EFCAB11: variants seen among roughly 807,000 people sequenced by gnomAD.
EFCAB11 encodes the protein EF-hand calcium-binding domain-containing protein 11.
Under a neutral mutation model 23.0 loss-of-function variants are expected in EFCAB11, and 14 were observed. That is an observed-to-expected ratio of 0.61 (90% CI 0.40 to 0.95). The LOEUF (loss-of-function observed/expected upper bound fraction) is 0.95, where lower values mean the gene tolerates loss of function less well. Ranked by LOEUF, EFCAB11 falls within the 40% of genes least tolerant of loss-of-function variation. EFCAB11 has a pLI of 0.00. For missense variants in EFCAB11, 198 were observed against 195.8 expected, an observed-to-expected ratio of 1.01 and a Z score of -0.07; for synonymous variants, 65 against 66.6, an observed-to-expected ratio of 0.98 and a Z score of 0.11.
intron 2 of EFCAB11, among the ~76,000 whole-genome samples, chr14:89,952,995 G>A (rs142556593): frequency 6.6e-6 from 1 of 152,322 alleles, no homozygotes; most frequent in East Asian, 1.9e-4. Flanking sequence ...GGGGTGAGCA[G>A]GAAACTTGCC....
At chr14:89,936,562 C>T (rs552825792) in intron 3 of EFCAB11, among the ~76,000 whole-genome samples, 7 of 152,290 alleles carry the variant, frequency 4.6e-5, no homozygotes, top group Admixed American at 1.3e-4. Context: ...AAAGTCCATA[C>T]TCTAGGGGTT....
At chr14:89,924,559 T>C (rs1850157415) in intron 5 of EFCAB11, 3 of 1,525,722 alleles carry the variant, frequency 2.0e-6, no homozygotes, top group South Asian at 1.2e-5. Context: ...AACATATCCA[T>C]GCAGAGAAAA....
chr14:89,890,291 G>A (rs1888922926), intron 5 of EFCAB11, among the ~76,000 whole-genome samples: 1 of 152,044 alleles, frequency 6.6e-6, no homozygotes. Context: ...TAAATATTTA[G>A]CTTACAACTT....
In EFCAB11 at chr14:89,867,250, C is replaced by T. The variant is rs185371545; in HGVS notation, c.410+64291G>A. On this transcript the variant is annotated intron_variant, in intron 5 of 5. Transcript: ENST00000316738. ...TACCTTTGTCTTGTTTTTTAGTCAG[C>T]GACCCTGCCTTATATAGGCAGTCCC... is the stretch of plus-strand genomic sequence containing the variant. Among the ~76,000 whole-genome samples the T allele has an allele frequency of 1.4e-3, 212 of 152,240 alleles. 1 individual carries two copies. The highest frequency in any genetic ancestry group is 2.6e-3 in the Non-Finnish European group (176 of 68,018).
intron 5 of EFCAB11, among the ~76,000 whole-genome samples, chr14:89,884,516 A>C (rs1888693644): frequency 6.6e-6 from 1 of 152,208 alleles, no homozygotes; most frequent in African/African-American, 2.4e-5. Context: ...ACCTGCTCAC[A>C]TAACTTTTAT....
intron 5 of EFCAB11, among the ~76,000 whole-genome samples, chr14:89,822,380 A>C (rs1213916605): frequency 6.6e-6 from 1 of 152,236 alleles, no homozygotes; most frequent in African/African-American, 2.4e-5. Flanking sequence ...TGGCAGGAGT[A>C]GGTATTTAGA....
At chr14:89,898,041 C>T (rs1889221682) in intron 5 of EFCAB11, among the ~76,000 whole-genome samples, 1 of 151,364 alleles carries the variant, frequency 6.6e-6, no homozygotes, top group African/African-American at 2.5e-5. Context: ...GGAATTCTAG[C>T]TAAGGAAATC....
Position 89,858,599 on chromosome 14 carries a change from C to A in EFCAB11, c.411-61275G>T, listed in dbSNP as rs7158534. On this transcript the variant is annotated intron_variant, in intron 5 of 5. Transcript: ENST00000316738. Reference sequence around the variant, plus strand: ...CAACCTCCTGGGCTCAGGTAATCCTCCCACCTCAGCCTCCCAGGCAGCTGG... The same window carrying A: ...CAACCTCCTGGGCTCAGGTAATCCTACCACCTCAGCCTCCCAGGCAGCTGG... Among the ~76,000 whole-genome samples, 815 of 152,154 alleles carry A rather than the reference C, an allele frequency of 5.4e-3. 9 individuals are homozygous for A. The highest frequency in any genetic ancestry group is 0.019 in the African/African-American group (777 of 41,510).
chr14:89,834,312 G>A (rs11159935), intron 5 of EFCAB11, among the ~76,000 whole-genome samples: 25,031 of 139,490 alleles, frequency 0.18, 2,687 homozygotes, highest in East Asian at 0.51. Flanking sequence ...GGAGGCGGAG[G>A]TTGCAGCGAG....
rs868830031 is a variant in EFCAB11 at position 89,829,211 on chromosome 14, G to T, written c.411-31887C>A. Reference sequence around the variant, plus strand: ...TGACGGTGCAGGAAATATTCTGGAGGAGTTATCCTGACTAAGGAGCTTGTA... The same window carrying T: ...TGACGGTGCAGGAAATATTCTGGAGTAGTTATCCTGACTAAGGAGCTTGTA... On this transcript the variant is annotated intron_variant, in intron 5 of 5. Coordinates refer to ENST00000316738, the MANE Select transcript of EFCAB11 (RefSeq NM_145231.4). Among the ~76,000 whole-genome samples the T allele has an allele frequency of 5.3e-5, 8 of 152,298 alleles. 2 individuals are homozygous for T. In the Middle Eastern group the frequency reaches 0.017, roughly 324 times the overall value.
At chr14:89,890,802 G>A (rs978142413) in intron 5 of EFCAB11, among the ~76,000 whole-genome samples, 9 of 152,190 alleles carry the variant, frequency 5.9e-5, no homozygotes, top group Admixed American at 5.2e-4. Flanking sequence ...CTGGGGCTGC[G>A]GTCTGGTAGC....
chr14:89,929,241 A>G (rs1890307879), intron 5 of EFCAB11, among the ~76,000 whole-genome samples: 1 of 151,856 alleles, frequency 6.6e-6, no homozygotes. Context: ...TTGTGTAGAG[A>G]CAGGGTCTCT....
At chr14:89,940,229 T>C (rs1483789303) in intron 3 of EFCAB11, among the ~76,000 whole-genome samples, 1 of 152,218 alleles carries the variant, frequency 6.6e-6, no homozygotes, top group Non-Finnish European at 1.5e-5. Flanking sequence ...TTAATGTGTA[T>C]GCAGTTTCCT....
At chr14:89,873,774 G>A (rs896176796) in intron 5 of EFCAB11, among the ~76,000 whole-genome samples, 13 of 152,236 alleles carry the variant, frequency 8.5e-5, no homozygotes, top group Non-Finnish European at 1.3e-4. Context: ...ACACGCTGAT[G>A]TAAGAGGTGG....
chr14:89,816,278 T>G (rs1420435753), intron 5 of EFCAB11, among the ~76,000 whole-genome samples: 1 of 152,188 alleles, frequency 6.6e-6, no homozygotes, highest in Non-Finnish European at 1.5e-5. Context: ...GTTCTAATAG[T>G]TTTTTGGTGG....
intron 1 of EFCAB11, chr14:89,954,262 G>A: frequency 7.4e-7 from 1 of 1,345,654 alleles, no homozygotes; most frequent in Non-Finnish European, 1.0e-6. Flanking sequence ...AGGCCACTGA[G>A]ATAAATTCTA....
chr14:89,943,218 C>T (rs948149231), intron 3 of EFCAB11, among the ~76,000 whole-genome samples: 10 of 151,320 alleles, frequency 6.6e-5, no homozygotes, highest in Non-Finnish European at 8.8e-5. Flanking sequence ...AAATAGTTCC[C>T]AGGAGGCCAA....
At chr14:89,867,554 C>T (rs531685165) in intron 5 of EFCAB11, among the ~76,000 whole-genome samples, 49 of 152,338 alleles carry the variant, frequency 3.2e-4, no homozygotes, top group African/African-American at 1.1e-3. Context: ...GCAGCCCCAA[C>T]GCAACTGCCC....
chr14:89,868,295 C>A (rs1888159252), intron 5 of EFCAB11, among the ~76,000 whole-genome samples: 2 of 152,176 alleles, frequency 1.3e-5, no homozygotes, highest in African/African-American at 4.8e-5. Flanking sequence ...GTTTCTCTTG[C>A]TATGATATGG....
Sources: gnomAD v4.1 joint callset for allele counts (sites outside exome capture counted in the v4.1 genomes callset) on GRCh38, gnomAD v4.1.1 for gene constraint, MANE v1.5 for transcripts, NCBI Gene and HGNC (gene_info 2026-07-23, HGNC 2026-07-21) for gene names.